SMARCA5: variants seen among roughly 807,000 people sequenced by gnomAD.
SMARCA5 encodes SWI/SNF-related matrix-associated actin-dependent regulator of chromatin subfamily A member 5.
A neutral mutation model predicts 140.4 loss-of-function variants in SMARCA5; 18 were observed. That is an observed-to-expected ratio of 0.13 (90% confidence interval 0.09 to 0.19). The LOEUF (loss-of-function observed/expected upper bound fraction) is 0.19. SMARCA5 is among the 10% of genes least tolerant of loss of function. The pLI is 1.00. For missense variants in SMARCA5, 606 were observed against 1,276.8 expected, an observed-to-expected ratio of 0.47 and a Z score of 8.01; for synonymous variants, 449 against 419.6, an observed-to-expected ratio of 1.07 and a Z score of -0.86.
chr4:143,529,731 G>T (rs1223665918), intron 8 of SMARCA5, among the ~76,000 whole-genome samples: 1 of 152,082 alleles, frequency 6.6e-6, no homozygotes, highest in East Asian at 1.9e-4. Context: ...GTTATAAAAA[G>T]GTATTAATTA....
Position 143,546,060 on chromosome 4 carries a change from A to G in SMARCA5, c.2520+13A>G. 7.6e-6 allele frequency: 12 copies of G among 1,580,008 alleles called. No homozygotes were observed. Among genetic ancestry groups the G allele is most frequent in the South Asian group, 1.2e-5 (1 of 85,590 alleles). On this transcript the variant is annotated intron_variant, in intron 19 of 23. Coordinates refer to ENST00000283131, the MANE Select transcript of SMARCA5 (RefSeq NM_003601.4). ...GCTTCTAACACAGGTATAGCCTTTA[A>G]TCAGTACAAACTTTAGTAACAGTTT...
In SMARCA5 at chr4:143,553,088, T is replaced by C. The variant is rs762492917; in HGVS notation, c.3094-31T>C. The C allele has an allele frequency of 1.2e-5, 18 of 1,546,434 alleles. No individual in the cohort carries two copies. The East Asian group carries it at 4.0e-4, about 35-fold the overall frequency. Reference sequence around the variant, plus strand: ...CTATATTTCATGTTTATATTAGTCTTGTGAAAAGTAATCCTTCTGTCTGTT... The same window carrying C: ...CTATATTTCATGTTTATATTAGTCTCGTGAAAAGTAATCCTTCTGTCTGTT... On this transcript the variant is annotated intron_variant, in intron 23 of 23. Transcript: ENST00000283131.
At chr4:143,547,588 G>C in intron 21 of SMARCA5, 85 bp downstream of exon 21, 3 of 756,846 alleles carry the variant, frequency 4.0e-6, no homozygotes, top group Non-Finnish European at 6.8e-6. Flanking sequence ...TAAAGGAAAA[G>C]AAGTAAGGGT....
At chr4:143,546,178 G>A (rs1737520815) in intron 19 of SMARCA5, 131 bp downstream of exon 19, 2 of 583,412 alleles carry the variant, frequency 3.4e-6, no homozygotes, top group African/African-American at 2.0e-5. Flanking sequence ...AATAAAGTAT[G>A]GGCATGTGGA....
At chr4:143,549,906 T>TTATCCTATTA in intron 22 of SMARCA5, 91 bp from the exon 23 acceptor site, 1 of 660,074 alleles carries the variant, frequency 1.5e-6, no homozygotes, top group Non-Finnish European at 2.7e-6. Flanking sequence ...TGGTTTTATA[T>TTATCCTATTA]ATTATCCTAT....
chr4:143,538,465 T>TGTGG, intron 11 of SMARCA5, 125 bp from the exon 12 acceptor site: 1 of 713,600 alleles, frequency 1.4e-6, no homozygotes, highest in South Asian at 1.9e-5. Context: ...TGTAGATTTT[T>TGTGG]TTCCCCCTTG....
At position 143,542,367 on chromosome 4, in the gene SMARCA5, A is replaced by G. The variant is rs116756134; in HGVS notation, c.1904-1142A>G. ...TTACTGTTTTTTATTTGAGGGACAT[A>G]ATTAAAAACGAGAGTACACAAGCAC... On this transcript the variant is annotated intron_variant, in intron 14 of 23. Coordinates refer to ENST00000283131, the MANE Select transcript of SMARCA5 (RefSeq NM_003601.4). Among the ~76,000 whole-genome samples the G allele has an allele frequency of 6.4e-3, 976 of 152,242 alleles. 14 individuals carry two copies. The highest frequency in any genetic ancestry group is 0.022 in the African/African-American group (920 of 41,528).
At chr4:143,543,733 GATAA>G (rs1737472553) in intron 15 of SMARCA5, 76 bp downstream of exon 15, 2 of 1,499,478 alleles carry the variant, frequency 1.3e-6, no homozygotes, top group South Asian at 1.2e-5. Context: ...TTACATTGAT[GATAA>G]ATAATTTTAT....
At chr4:143,540,642 A>C in intron 14 of SMARCA5, 147 bp downstream of exon 14, 1 of 712,568 alleles carries the variant, frequency 1.4e-6, no homozygotes, top group South Asian at 2.0e-5. Flanking sequence ...AAATACAGTA[A>C]ACTTTAGTTT....
chr4:143,526,569 A>T, intron 6 of SMARCA5, 109 bp downstream of exon 6: 1 of 719,772 alleles, frequency 1.4e-6, no homozygotes, highest in South Asian at 1.8e-5. Flanking sequence ...CTTCGCAAAT[A>T]TTAGTATTTA....
At position 143,557,470 on chromosome 4, in the gene SMARCA5, A is replaced by C. The variant is rs1737782262; in HGVS notation, c.*4286A>C. 6.6e-6 allele frequency: 1 copy of C among 152,222 alleles called. No individual in the cohort carries two copies. Among genetic ancestry groups the C allele is most frequent in the African/African-American group, 2.4e-5 (1 of 41,456 alleles). The allele number at this position is 152,222 out of a possible 1,614,324, so 9.4% of individuals were successfully genotyped here. On this transcript the variant is annotated 3_prime_UTR_variant, in exon 24 of 24. Coordinates refer to ENST00000283131, the MANE Select transcript of SMARCA5 (RefSeq NM_003601.4). ...AAGTAGAGATTATTTCACTTCATTA[A>C]ACTTTTGAAGTCCTAATTTAGTTCA...
intron 19 of SMARCA5, among the ~76,000 whole-genome samples, chr4:143,546,538 T>G (rs528059627): frequency 5.9e-5 from 9 of 152,266 alleles, no homozygotes; most frequent in African/African-American, 2.2e-4. Context: ...AGTGAAACTG[T>G]CACCTTTTCA....
intron 19 of SMARCA5, 124 bp from the exon 20 acceptor site, chr4:143,546,652 C>T (rs17017869): frequency 0.11 from 89,304 of 788,034 alleles, 5,492 homozygotes; most frequent in Non-Finnish European, 0.12. Context: ...GAAAAGTTAC[C>T]ACTCTAAAAG....
At chr4:143,547,881 T>G in intron 21 of SMARCA5, 47 bp from the exon 22 acceptor site, 1 of 1,129,548 alleles carries the variant, frequency 8.9e-7, no homozygotes, top group Non-Finnish European at 1.3e-6. Context: ...GAAATACAGA[T>G]TATATAGGAT....
At chr4:143,538,162 G>A (rs28712178) in intron 11 of SMARCA5, among the ~76,000 whole-genome samples, 35,085 of 151,980 alleles carry the variant, frequency 0.23, 4,433 homozygotes, top group East Asian at 0.6. Flanking sequence ...AGATATATGA[G>A]GCACATATTA....
intron 23 of SMARCA5, among the ~76,000 whole-genome samples, chr4:143,551,550 T>G (rs1737640632): frequency 6.6e-6 from 1 of 152,164 alleles, no homozygotes; most frequent in Non-Finnish European, 1.5e-5. Flanking sequence ...AAGTCTTTAA[T>G]ACATTTTGAT....
Position 143,553,415 on chromosome 4 carries a change from CTAAG to C in SMARCA5, c.*233_*236del, listed in dbSNP as rs756292097. 28 of 392,612 alleles carry C rather than the reference CTAAG, an allele frequency of 7.1e-5. No individual in the cohort carries two copies. The highest frequency in any genetic ancestry group is 1.0e-4 in the African/African-American group (5 of 48,896). The allele number at this position is 392,612 out of a possible 1,614,324, so 24.3% of individuals were successfully genotyped here. On this transcript the variant is annotated 3_prime_UTR_variant, in exon 24 of 24. Transcript: ENST00000283131. The stretch of plus-strand genomic sequence containing the variant: ...GTAATAAAATAGGCTTCATTTATTA[CTAAG>C]TGTTTCATTTGATTTATTTTTCTAT...
chr4:143,548,785 T>G (rs1737580052), intron 22 of SMARCA5, among the ~76,000 whole-genome samples: 1 of 152,122 alleles, frequency 6.6e-6, no homozygotes, highest in African/African-American at 2.4e-5. Flanking sequence ...GTCTTAAGTT[T>G]GGGATATTCT....
intron 9 of SMARCA5, among the ~76,000 whole-genome samples, chr4:143,533,069 A>G (rs1201082034): frequency 6.6e-6 from 1 of 152,220 alleles, no homozygotes; most frequent in Non-Finnish European, 1.5e-5. Context: ...AAAAAAGGGT[A>G]TCTTTAGTTG....
Sources: gnomAD v4.1 joint callset for allele counts (sites outside exome capture counted in the v4.1 genomes callset) on GRCh38, gnomAD v4.1.1 for gene constraint, MANE v1.5 for transcripts, NCBI Gene and HGNC (gene_info 2026-07-23, HGNC 2026-07-21) for gene names.